CUL3: variants seen among roughly 807,000 people sequenced by gnomAD.
CUL3 encodes the protein cullin 3.
Under a neutral mutation model 89.1 loss-of-function variants are expected in CUL3, and 19 were observed. The observed-to-expected ratio is 0.21, with a 90% CI of 0.15 to 0.31. The LOEUF (loss-of-function observed/expected upper bound fraction) is 0.31, where lower values mean the gene tolerates loss of function less well. Ranked by LOEUF, CUL3 falls within the 10% of genes least tolerant of loss-of-function variation. The pLI is 1.00. For missense variants in CUL3, 469 were observed against 942.3 expected (o/e 0.50, Z 6.58); for synonymous variants, 351 against 308.4 (o/e 1.14, Z -1.45).
At position 224,547,420 on chromosome 2, in the gene CUL3, G is replaced by A. The variant is rs144335554; in HGVS notation, c.264+10239C>T. On this transcript the variant is annotated intron_variant, in intron 2 of 15. Coordinates refer to ENST00000264414, the MANE Select transcript of CUL3 (RefSeq NM_003590.5). ...ACTTTCTCTCCTTGTTATCTACCGG[G>A]ACAGTATTTTGGCTTTGCTCACATG... Among the ~76,000 whole-genome samples, 3 of 152,116 alleles carry A rather than the reference G, an allele frequency of 2.0e-5. No individual in the cohort carries two copies. The South Asian group carries it at 6.2e-4, about 32-fold the overall frequency.
At chr2:224,516,165 A>G (rs1488701603) in intron 3 of CUL3, among the ~76,000 whole-genome samples, 1 of 152,160 alleles carries the variant, frequency 6.6e-6, no homozygotes, top group African/African-American at 2.4e-5. Context: ...TAATCTCAGC[A>G]CAAGCTCACA....
At chr2:224,526,581 G>A (rs778763981) in intron 3 of CUL3, among the ~76,000 whole-genome samples, 41 of 92,428 alleles carry the variant, frequency 4.4e-4, no homozygotes, top group Non-Finnish European at 6.2e-4. Context: ...GGGAGACTCC[G>A]TCTCAAAAAA....
At position 224,470,753 on chromosome 2, in the gene CUL3, G is replaced by A. The variant is rs1691101863; in HGVS notation, c.*3492C>T. The A allele has an allele frequency of 4.3e-6, 1 of 231,684 alleles. No individual in the cohort carries two copies. The highest frequency in any genetic ancestry group is 6.1e-5 in the East Asian group (1 of 16,262). The allele number at this position is 231,684 out of a possible 1,614,324, so 14.4% of individuals were successfully genotyped here. A position where few individuals can be genotyped will look rare whatever the true frequency, so the allele number is the denominator to read the frequency against. On this transcript the variant is annotated 3_prime_UTR_variant, in exon 16 of 16. Transcript: ENST00000264414. The stretch of plus-strand genomic sequence containing the variant: ...CCAAAAGTTGGTATCAGCAAATAAT[G>A]TAAAGCTAACAAAAATGTGCAAAAT...
intron 2 of CUL3, among the ~76,000 whole-genome samples, chr2:224,546,920 G>C (rs1171360419): frequency 6.6e-6 from 1 of 151,710 alleles, no homozygotes; most frequent in Non-Finnish European, 1.5e-5. Context: ...GTCTCTTTTG[G>C]GATTATGCTA....
Position 224,585,247 on chromosome 2 carries a change from G to GCGGCTCCGCGGGGTCCCCCTCACGTC in CUL3, c.-264_-239dup. 2.5e-6 allele frequency: 1 copy of GCGGCTCCGCGGGGTCCCCCTCACGTC among 393,236 alleles called. No homozygotes were observed. Among genetic ancestry groups the GCGGCTCCGCGGGGTCCCCCTCACGTC allele is most frequent in the Non-Finnish European group, 4.5e-6 (1 of 224,104 alleles). The allele number at this position is 393,236 out of a possible 1,614,324, so 24.4% of individuals were successfully genotyped here. A position where few individuals can be genotyped will look rare whatever the true frequency, so the allele number is the denominator to read the frequency against. On this transcript the variant is annotated 5_prime_UTR_variant, in exon 1 of 16. Transcript: ENST00000264414. ...GCGGCTGGGGGGCTGCGCTGGCGCGGCGGCTCCGCGGGGTCCCCCTCACGT... is the reference window on the plus strand; with the variant it reads ...GCGGCTGGGGGGCTGCGCTGGCGCGGCGGCTCCGCGGGGTCCCCCTCACGTCCGGCTCCGCGGGGTCCCCCTCACGT...
chr2:224,569,772 T>A, intron 1 of CUL3: 1 of 1,192,826 alleles, frequency 8.4e-7, no homozygotes, highest in Non-Finnish European at 1.1e-6. Context: ...ATTCTTAACA[T>A]CTACTACATA....
intron 3 of CUL3, among the ~76,000 whole-genome samples, chr2:224,535,049 TAAATAAATAAAG>T (rs1207286162): frequency 3.2e-5 from 4 of 124,560 alleles, no homozygotes; most frequent in South Asian, 5.5e-4. Flanking sequence ...AATAAATAAA[TAAATAAATAAAG>T]ATTTTTATTC....
intron 13 of CUL3, among the ~76,000 whole-genome samples, chr2:224,492,977 A>C (rs1692040538): frequency 6.6e-6 from 1 of 152,206 alleles, no homozygotes; most frequent in Non-Finnish European, 1.5e-5. Context: ...AGGCCACTTA[A>C]CAACATCCAG....
intron 3 of CUL3, among the ~76,000 whole-genome samples, chr2:224,525,493 T>A (rs991274971): frequency 6.6e-6 from 1 of 152,228 alleles, no homozygotes; most frequent in Non-Finnish European, 1.5e-5. Context: ...GATACAGGTA[T>A]GTAATAAATG....
chr2:224,507,253 C>T (rs890666537), intron 6 of CUL3, among the ~76,000 whole-genome samples: 1 of 152,076 alleles, frequency 6.6e-6, no homozygotes. Context: ...AATGTCCTAG[C>T]AAATTTAAAT....
rs1692815209 is a variant in CUL3, at chr2:224,511,259, A to G, written c.883+95T>C. The G allele has an allele frequency of 3.5e-6, 3 of 861,412 alleles. No individual in the cohort carries two copies. In the East Asian group the frequency reaches 7.8e-5, roughly 22 times the overall value. 53.4% of individuals were successfully genotyped at this position (861,412 alleles called of 1,614,324 possible). On this transcript the variant is annotated intron_variant, in intron 6 of 15. Transcript: ENST00000264414. ...TAACAATACACACCAAAACTTCTTG[A>G]AAGCTGATATTATCTGCTTTAATTG...
chr2:224,504,890 G>T (rs1029610028), intron 8 of CUL3, among the ~76,000 whole-genome samples: 19 of 151,966 alleles, frequency 1.3e-4, no homozygotes, highest in Non-Finnish European at 2.1e-4. Context: ...AGCTCCTCAG[G>T]TTCCAGAGAT....
chr2:224,535,203 T>C (rs1693843725), intron 3 of CUL3, among the ~76,000 whole-genome samples: 1 of 152,222 alleles, frequency 6.6e-6, no homozygotes, highest in Admixed American at 6.5e-5. Context: ...TAATTTCTTT[T>C]TGAGACGGAG....
intron 3 of CUL3, among the ~76,000 whole-genome samples, chr2:224,516,071 C>A (rs1288683500): frequency 1.3e-5 from 2 of 152,150 alleles, no homozygotes; most frequent in Admixed American, 6.5e-5. Context: ...TTTCATTCAT[C>A]TTGTATGATG....
chr2:224,470,783 T>A lies in CUL3; in HGVS notation c.*3462A>T. ...GCTAACAAAAATGTGCAAAATTCCA[T>A]ATTGCAATGCTTCATGTATTAACTT... is the stretch of plus-strand genomic sequence containing the variant. On this transcript the variant is annotated 3_prime_UTR_variant, in exon 16 of 16. Transcript: ENST00000264414. 1 of 231,706 alleles carries A rather than the reference T, an allele frequency of 4.3e-6. No individual in the cohort carries two copies. The highest frequency in any genetic ancestry group is 6.2e-5 in the East Asian group (1 of 16,252). 14.4% of individuals were successfully genotyped at this position (231,706 alleles called of 1,614,324 possible). A position where few individuals can be genotyped will look rare whatever the true frequency, so the allele number is the denominator to read the frequency against.
At chr2:224,476,359 G>A (rs1462703376) in intron 15 of CUL3, among the ~76,000 whole-genome samples, 2 of 152,052 alleles carry the variant, frequency 1.3e-5, no homozygotes, top group Non-Finnish European at 2.9e-5. Context: ...GCTACAATTG[G>A]CCATTTACAA....
At chr2:224,489,734 C>T (rs952953374) in intron 13 of CUL3, among the ~76,000 whole-genome samples, 1 of 152,130 alleles carries the variant, frequency 6.6e-6, no homozygotes, top group Non-Finnish European at 1.5e-5. Context: ...ACTCATAAGA[C>T]CCAAAACCAT....
At chr2:224,542,268 G>A (rs541844752) in intron 2 of CUL3, among the ~76,000 whole-genome samples, 5 of 152,142 alleles carry the variant, frequency 3.3e-5, no homozygotes, top group Admixed American at 2.0e-4. Context: ...AGCTTTTCTC[G>A]CATTTTTAAA....
chr2:224,503,724 G>A lies in CUL3; in HGVS notation c.1305C>T (p.His435=), dbSNP rs1178533914. 3 of 1,608,034 alleles carry A rather than the reference G, an allele frequency of 1.9e-6. No homozygotes were observed. Among genetic ancestry groups the A allele is most frequent in the Non-Finnish European group, 1.7e-6 (2 of 1,178,440 alleles). Residue 435 remains histidine, a synonymous_variant, in exon 9 of 16, where the codon CAC becomes CAT. Coordinates refer to ENST00000264414, the MANE Select transcript of CUL3 (RefSeq NM_003590.5). ...TATTTGTGAGAAGTCTCCTTGCCAA[G>A]TGTTGTTTATAATAACGTTCAAATA... The part of the protein sequence containing the change: ...KDVFERYYKQ[H]LARRLLTNKS...
Sources: allele counts gnomAD v4.1 joint callset (sites outside exome capture counted in the v4.1 genomes callset), GRCh38; gene constraint gnomAD v4.1.1; transcripts MANE v1.5; gene names NCBI Gene and HGNC (gene_info 2026-07-23, HGNC 2026-07-21).